Variants in NEK1 observed in about 807,000 individuals in gnomAD.
NEK1 encodes the protein serine/threonine-protein kinase Nek1.
In NEK1, 137 loss-of-function variants were observed where a neutral mutation model predicts 182.1. The observed-to-expected ratio is 0.75, with a 90% CI of 0.65 to 0.87. NEK1 has a LOEUF of 0.87. Ranked by LOEUF, NEK1 falls within the 40% of genes least tolerant of loss-of-function variation. NEK1 has a pLI of 0.00. For synonymous variants in NEK1, 513 were observed against 492.2 expected (o/e 1.04, Z -0.56); for missense variants, 1,391 against 1,494.4 (o/e 0.93, Z 1.14).
chr4:169,532,217 C>T (rs1388441386), intron 19 of NEK1, among the ~76,000 whole-genome samples: 1 of 152,108 alleles, frequency 6.6e-6, no homozygotes, highest in Admixed American at 6.5e-5. Flanking sequence ...TTGAGATATA[C>T]ACTTAGAATT....
At chr4:169,415,355 G>T (rs1293226533) in intron 31 of NEK1, among the ~76,000 whole-genome samples, 2 of 152,148 alleles carry the variant, frequency 1.3e-5, no homozygotes, top group Non-Finnish European at 1.5e-5. Context: ...GAATTTATTG[G>T]CTGTTACAGA....
chr4:169,483,510 T>C (rs533536094), intron 23 of NEK1, among the ~76,000 whole-genome samples: 3 of 152,276 alleles, frequency 2.0e-5, no homozygotes, highest in African/African-American at 7.2e-5. Context: ...CAAAAAAGGA[T>C]GGAAACATTG....
intron 16 of NEK1, among the ~76,000 whole-genome samples, chr4:169,558,649 G>C (rs72692936): frequency 0.088 from 13,385 of 152,110 alleles, 766 homozygotes; most frequent in African/African-American, 0.16. Context: ...TCAAACAAGA[G>C]ATACACCTCT....
In NEK1 at chr4:169,608,501, G is replaced by A. The variant is rs1771770034; in HGVS notation, c.-49+3519C>T. On this transcript the variant is annotated intron_variant, in intron 2 of 35. Transcript: ENST00000507142. ...AATAGTAATAAAATAAAACATGGGAGAATGACTTCTGTCTTAGAGTGGTTA... is the reference window on the plus strand; with the variant it reads ...AATAGTAATAAAATAAAACATGGGAAAATGACTTCTGTCTTAGAGTGGTTA... Among the ~76,000 whole-genome samples, 3 of 152,278 alleles carry A rather than the reference G, an allele frequency of 2.0e-5. No individual in the cohort carries two copies. In the South Asian group the frequency reaches 6.2e-4, roughly 32 times the overall value.
At chr4:169,541,750 A>C (rs1441947202) in intron 18 of NEK1, among the ~76,000 whole-genome samples, 2 of 152,182 alleles carry the variant, frequency 1.3e-5, no homozygotes, top group Non-Finnish European at 2.9e-5. Flanking sequence ...TTCGGTATTA[A>C]CTAGTCCAAG....
intron 27 of NEK1, among the ~76,000 whole-genome samples, chr4:169,441,697 C>T (rs1386999909): frequency 6.6e-6 from 1 of 151,730 alleles, no homozygotes; most frequent in Non-Finnish European, 1.5e-5. Context: ...CCTATTGCTG[C>T]TAGTGCCTGT....
chr4:169,495,817 AG>A (rs1172765364), intron 23 of NEK1, among the ~76,000 whole-genome samples: 1 of 152,134 alleles, frequency 6.6e-6, no homozygotes, highest in African/African-American at 2.4e-5. Flanking sequence ...CTTGTAGTAT[AG>A]TTTGAAGTCA....
chr4:169,506,210 T>G (rs979303017), intron 23 of NEK1, among the ~76,000 whole-genome samples: 1 of 152,042 alleles, frequency 6.6e-6, no homozygotes. Context: ...TATTAGAAAT[T>G]AAAGCATATT....
chr4:169,507,095 TG>T lies in NEK1; in HGVS notation c.1948del (p.Gln650AsnfsTer2), dbSNP rs1131690774. On this transcript the variant is annotated frameshift_variant, in exon 23 of 36. Transcript: ENST00000507142. LOFTEE classifies it high-confidence loss of function. ...AGCCTCCTTTCTCTTTCGTTCTAGT[TG>T]TTCTTTTAGTACAGCAGCACGTGCA... ...ANARAAVLKE[Q>X]LERKRKEAYE... The T allele has an allele frequency of 4.3e-6, 7 of 1,610,384 alleles. No individual in the cohort carries two copies. The highest frequency in any genetic ancestry group is 5.9e-6 in the Non-Finnish European group (7 of 1,178,640).
intron 12 of NEK1, among the ~76,000 whole-genome samples, chr4:169,570,996 T>G (rs1764718087): frequency 6.6e-6 from 1 of 151,416 alleles, no homozygotes; most frequent in Non-Finnish European, 1.5e-5. Flanking sequence ...TCATTAAGAG[T>G]CATCACCACT....
intron 26 of NEK1, among the ~76,000 whole-genome samples, chr4:169,474,125 G>C (rs936151023): frequency 6.6e-6 from 1 of 151,966 alleles, no homozygotes; most frequent in African/African-American, 2.4e-5. Flanking sequence ...AAGAGGGAAG[G>C]GGAAGAGTAC....
intron 27 of NEK1, among the ~76,000 whole-genome samples, chr4:169,450,714 T>C (rs2065446199): frequency 6.6e-6 from 1 of 152,166 alleles, no homozygotes; most frequent in Non-Finnish European, 1.5e-5. Context: ...GGCCAAATTA[T>C]AAAGACCACT....
chr4:169,422,181 C>T (rs958315076), intron 31 of NEK1, among the ~76,000 whole-genome samples: 6 of 152,090 alleles, frequency 3.9e-5, no homozygotes, highest in Non-Finnish European at 5.9e-5. Context: ...CTTCAGTGGA[C>T]GAGCAGGCTA....
At chr4:169,471,690 G>C (rs1746004135) in intron 26 of NEK1, among the ~76,000 whole-genome samples, 1 of 152,140 alleles carries the variant, frequency 6.6e-6, no homozygotes, top group African/African-American at 2.4e-5. Context: ...GAGCCAGCAG[G>C]CAGGAAAGTT....
intron 16 of NEK1, among the ~76,000 whole-genome samples, chr4:169,556,889 T>C (rs2149915403): frequency 6.6e-6 from 1 of 152,232 alleles, no homozygotes; most frequent in East Asian, 1.9e-4. Flanking sequence ...TGTATATATT[T>C]AGGTATGGAA....
chr4:169,435,901 A>C (rs1237440092), intron 28 of NEK1, among the ~76,000 whole-genome samples: 2 of 152,156 alleles, frequency 1.3e-5, no homozygotes, highest in Non-Finnish European at 2.9e-5. Context: ...GAGATAACAT[A>C]AAATAAAAAT....
intron 18 of NEK1, among the ~76,000 whole-genome samples, chr4:169,545,364 T>A (rs1341814465): frequency 6.6e-6 from 1 of 152,000 alleles, no homozygotes; most frequent in African/African-American, 2.4e-5. Context: ...TCCATGTCCC[T>A]ACAAAGGATA....
At chr4:169,494,100 C>CT (rs58999473) in intron 23 of NEK1, among the ~76,000 whole-genome samples, 19,060 of 142,356 alleles carry the variant, frequency 0.13, 1,333 homozygotes, top group African/African-American at 0.19. Context: ...GGATTTCTTT[C>CT]TTTTTTTTTT....
intron 31 of NEK1, among the ~76,000 whole-genome samples, chr4:169,419,467 A>T (rs975204967): frequency 4.6e-5 from 7 of 152,230 alleles, no homozygotes; most frequent in African/African-American, 1.7e-4. Context: ...AATAGTAAAC[A>T]TGTAAATATA....
Sources: allele counts gnomAD v4.1 joint callset (sites outside exome capture counted in the v4.1 genomes callset), GRCh38; gene constraint gnomAD v4.1.1; transcripts MANE v1.5; gene names NCBI Gene and HGNC (gene_info 2026-07-23, HGNC 2026-07-21).